Variants in IPO11 observed in about 807,000 individuals in gnomAD.
IPO11 encodes importin-11.
IPO11 carries 66 observed loss-of-function variants against 143.2 expected under a neutral mutation model. That is an observed-to-expected ratio of 0.46 (90% CI 0.38 to 0.57). The LOEUF (loss-of-function observed/expected upper bound fraction) is 0.57, where lower values mean the gene tolerates loss of function less well. IPO11 is among the 20% of genes least tolerant of loss of function. The pLI is 0.00. For missense variants in IPO11, 1,026 were observed against 1,141.0 expected (o/e 0.90, Z 1.45); for synonymous variants, 385 against 377.8 (o/e 1.02, Z -0.22).
At chr5:62,558,770 T>C (rs1366959007) in intron 26 of IPO11, among the ~76,000 whole-genome samples, 2 of 152,186 alleles carry the variant, frequency 1.3e-5, no homozygotes, top group Admixed American at 1.3e-4. Flanking sequence ...AAATATTTAA[T>C]AAAAACAAAA....
intron 28 of IPO11, among the ~76,000 whole-genome samples, chr5:62,598,423 T>C (rs1211860597): frequency 1.6e-4 from 6 of 37,656 alleles, no homozygotes; most frequent in African/African-American, 1.5e-4. Context: ...TTTCTTTCTT[T>C]CTTTCTTTCT....
intron 13 of IPO11, among the ~76,000 whole-genome samples, chr5:62,488,434 G>A (rs1043868331): frequency 2.6e-5 from 4 of 152,140 alleles, no homozygotes; most frequent in Admixed American, 2.6e-4. Flanking sequence ...TTACTTGATT[G>A]ACTTTTAGCA....
intron 5 of IPO11, among the ~76,000 whole-genome samples, chr5:62,462,527 T>A (rs35011): frequency 0.089 from 13,556 of 151,654 alleles, 656 homozygotes; most frequent in East Asian, 0.14. Flanking sequence ...CTACCATTAT[T>A]AAAAAAAATA....
intron 26 of IPO11, among the ~76,000 whole-genome samples, chr5:62,558,929 T>C (rs1312335338): frequency 6.6e-6 from 1 of 152,224 alleles, no homozygotes; most frequent in Non-Finnish European, 1.5e-5. Flanking sequence ...TATACATTTT[T>C]TGGCTTTCCA....
chr5:62,420,861 G>A (rs560052194), intron 1 of IPO11, among the ~76,000 whole-genome samples: 2 of 152,154 alleles, frequency 1.3e-5, no homozygotes, highest in African/African-American at 4.8e-5. Context: ...GATTACAGGC[G>A]TGAGCCGCCA....
At chr5:62,603,928 G>A (rs927388241) in intron 29 of IPO11, among the ~76,000 whole-genome samples, 1 of 152,176 alleles carries the variant, frequency 6.6e-6, no homozygotes, top group Admixed American at 6.5e-5. Context: ...GTGTTTTGAT[G>A]TGTTTAGATA....
chr5:62,608,536 C>T (rs1022334496), intron 29 of IPO11, among the ~76,000 whole-genome samples: 14 of 152,216 alleles, frequency 9.2e-5, no homozygotes, highest in African/African-American at 3.4e-4. Flanking sequence ...CCTTCACTGG[C>T]TAAACCAAAT....
intron 3 of IPO11, among the ~76,000 whole-genome samples, chr5:62,444,887 C>CATATATATATGT (rs1744663862): frequency 6.7e-6 from 1 of 149,234 alleles, no homozygotes; most frequent in Non-Finnish European, 1.5e-5. Context: ...GAGAGAGAGA[C>CATATATATATGT]ATATATATAT....
chr5:62,528,319 TA>T (rs956542348), intron 21 of IPO11, among the ~76,000 whole-genome samples: 4 of 152,146 alleles, frequency 2.6e-5, no homozygotes, highest in African/African-American at 4.8e-5. Flanking sequence ...ATGAAGATGA[TA>T]GGAGGGTTTT....
At chr5:62,546,917 AGAG>A (rs957897194) in intron 24 of IPO11, among the ~76,000 whole-genome samples, 1 of 152,170 alleles carries the variant, frequency 6.6e-6, no homozygotes, top group Non-Finnish European at 1.5e-5. Flanking sequence ...TCTAGCAAAA[AGAG>A]GAGGAGAGGG....
At chr5:62,492,791 G>C (rs1043146421) in intron 15 of IPO11, among the ~76,000 whole-genome samples, 5 of 152,040 alleles carry the variant, frequency 3.3e-5, no homozygotes, top group African/African-American at 1.2e-4. Context: ...GCCCACCTCA[G>C]CCTCCCAAAT....
Position 62,435,210 on chromosome 5 carries a change from GTGTA to G in IPO11, c.-6-2062_-6-2059del, listed in dbSNP as rs771296688. Among the ~76,000 whole-genome samples the G allele has an allele frequency of 8.7e-4, 80 of 92,316 alleles. 3 individuals carry two copies. Among genetic ancestry groups the G allele is most frequent in the African/African-American group, 3.4e-3 (73 of 21,516 alleles). 60.6% of individuals were successfully genotyped at this position (92,316 alleles called of 152,430 possible). ...TATATGTATATATATGTATATATAT[GTGTA>G]TATATATATATATCAGAGCAGCTGT... On this transcript the variant is annotated intron_variant, in intron 1 of 29. Transcript: ENST00000325324.
At chr5:62,458,453 G>A (rs979102396) in intron 5 of IPO11, among the ~76,000 whole-genome samples, 1 of 152,014 alleles carries the variant, frequency 6.6e-6, no homozygotes, top group Non-Finnish European at 1.5e-5. Context: ...GGTGCATGCC[G>A]CTATGCCCGG....
intron 27 of IPO11, among the ~76,000 whole-genome samples, chr5:62,586,563 C>T (rs1056316506): frequency 5.3e-5 from 8 of 151,436 alleles, no homozygotes; most frequent in African/African-American, 9.7e-5. Context: ...ACCAGCCTGA[C>T]GGACATGAAG....
chr5:62,534,862 A>G (rs888611756), intron 22 of IPO11, among the ~76,000 whole-genome samples: 1 of 152,190 alleles, frequency 6.6e-6, no homozygotes, highest in Non-Finnish European at 1.5e-5. Context: ...CTGAAAGTAA[A>G]TACCTATCTA....
chr5:62,483,958 T>G, intron 10 of IPO11, 52 bp from the exon 11 acceptor site: 1 of 1,439,540 alleles, frequency 6.9e-7, no homozygotes, highest in Non-Finnish European at 9.5e-7. Context: ...CATAATCCAA[T>G]GTAGCTACAA....
At chr5:62,502,968 G>T (rs889217938) in intron 16 of IPO11, among the ~76,000 whole-genome samples, 28 of 152,066 alleles carry the variant, frequency 1.8e-4, no homozygotes, top group African/African-American at 6.5e-4. Context: ...GATTATAGGT[G>T]CACGCCACTA....
chr5:62,527,139 G>A (rs1013256393), intron 21 of IPO11, among the ~76,000 whole-genome samples: 1 of 152,190 alleles, frequency 6.6e-6, no homozygotes, highest in African/African-American at 2.4e-5. Flanking sequence ...TGTGGTTTGC[G>A]TTCTTCAGAA....
At chr5:62,604,081 C>G (rs565178912) in intron 29 of IPO11, among the ~76,000 whole-genome samples, 1 of 152,158 alleles carries the variant, frequency 6.6e-6, no homozygotes, top group Non-Finnish European at 1.5e-5. Context: ...TAAGCACACT[C>G]CATAATGTTT....
Sources: allele counts gnomAD v4.1 joint callset (sites outside exome capture counted in the v4.1 genomes callset), GRCh38; gene constraint gnomAD v4.1.1; transcripts MANE v1.5; gene names NCBI Gene and HGNC (gene_info 2026-07-23, HGNC 2026-07-21).